The following KIRREL1 variants were observed in gnomAD, a reference collection of about 807,000 sequenced individuals.
KIRREL1 encodes the protein kin of IRRE-like protein 1.
Under a neutral mutation model 83.3 loss-of-function variants are expected in KIRREL1, and 25 were observed. The observed-to-expected ratio is 0.30, with a 90% confidence interval of 0.22 to 0.42. The LOEUF (loss-of-function observed/expected upper bound fraction) is 0.42. KIRREL1 is among the 10% of genes least tolerant of loss of function. The pLI is 1.00. For missense variants in KIRREL1, 812 were observed against 1,032.3 expected, an observed-to-expected ratio of 0.79 and a Z score of 2.92; for synonymous variants, 388 against 410.4, an observed-to-expected ratio of 0.95 and a Z score of 0.66.
At chr1:158,032,713 C>T (rs1346583528) in intron 1 of KIRREL1, among the ~76,000 whole-genome samples, 1 of 152,116 alleles carries the variant, frequency 6.6e-6, no homozygotes, top group Non-Finnish European at 1.5e-5. Flanking sequence ...ACTGCTTGTC[C>T]CCAGCCTCCT....
Position 158,089,512 on chromosome 1 carries a change from A to G in KIRREL1, c.1055A>G (p.Asn352Ser). The change falls in exon 9 of 15, where the codon AAC (asparagine) becomes AGC (serine). Residue 352 changes from asparagine (N) to serine (S), a missense_variant. Around this residue, in one of 3 missense-constraint regions of KIRREL1, gnomAD observed 472 missense variants for 626.8 expected, o/e 0.75. Coordinates refer to ENST00000359209, the MANE Select transcript of KIRREL1 (RefSeq NM_018240.7). ...TKKDSNMVLS[N>S]SNQLLLKSVT... ...GCTCTCTCTGCCCAGGTCCTGAGTAACAGCAACCAGCTGCTGCTGAAGTCG... is the reference window on the plus strand; with the variant it reads ...GCTCTCTCTGCCCAGGTCCTGAGTAGCAGCAACCAGCTGCTGCTGAAGTCG... 4 of 1,614,096 alleles carry G rather than the reference A, an allele frequency of 2.5e-6. No individual in the cohort carries two copies. The highest frequency in any genetic ancestry group is 3.4e-6 in the Non-Finnish European group (4 of 1,180,016).
At position 158,094,911 on chromosome 1, in the gene KIRREL1, A is replaced by G; in HGVS notation, c.2065A>G (p.Lys689Glu). The G allele has an allele frequency of 6.2e-7, 1 of 1,613,996 alleles. No homozygotes were observed. Among genetic ancestry groups the G allele is most frequent in the East Asian group, 2.2e-5 (1 of 44,832 alleles). Residue 689 changes from lysine (K) to glutamate (E), a missense_variant, in exon 15 of 15, where the codon AAG becomes GAG. This residue lies in a region of KIRREL1 where 334 missense variants were observed against 383.7 expected (regional missense o/e 0.87). Transcript: ENST00000359209. The surrounding 1 kb of genome is among the most constrained non-coding windows in gnomAD (Gnocchi z 4.6). ...CCAGCTGTCCTACGAGAACTATGAG[A>G]AGTTCAACTCCCATCCCTTCCCTGG... Reference protein sequence around the residue: ...TSQLSYENYEKFNSHPFPGAA... With the variant: ...TSQLSYENYEEFNSHPFPGAA...
rs553385509 is a variant in KIRREL1, at chr1:158,003,550, C to T, written c.52+9822C>T. 7.2e-5 allele frequency among the ~76,000 whole-genome samples: 11 copies of T among 152,300 alleles called. No individual in the cohort carries two copies. The South Asian group carries it at 1.4e-3, about 20-fold the overall frequency. ...ATGGGGGACTCCCAGAGGTCCCACA[C>T]TCCCCTTGATGCCTGACCCTCCCAC... On this transcript the variant is annotated intron_variant, in intron 1 of 14. Coordinates refer to ENST00000359209, the MANE Select transcript of KIRREL1 (RefSeq NM_018240.7).
chr1:158,003,572 C>T (rs1224292561), intron 1 of KIRREL1, among the ~76,000 whole-genome samples: 1 of 151,824 alleles, frequency 6.6e-6, no homozygotes, highest in Non-Finnish European at 1.5e-5. Context: ...CCTGACCCTC[C>T]CACACACACA....
In KIRREL1 at chr1:158,096,424, GTGTCAAGCTTTGGATGACCGACCCTA is replaced by G. The variant is rs1484589454; in HGVS notation, c.*1308_*1333del. The G allele has an allele frequency of 8.3e-6, 3 of 359,866 alleles. No individual in the cohort carries two copies. The highest frequency in any genetic ancestry group is 6.4e-5 in the African/African-American group (3 of 46,766). 22.3% of individuals were successfully genotyped at this position (359,866 alleles called of 1,614,324 possible). A position where few individuals can be genotyped will look rare whatever the true frequency, so the allele number is the denominator to read the frequency against. On this transcript the variant is annotated 3_prime_UTR_variant, in exon 15 of 15. Coordinates refer to ENST00000359209, the MANE Select transcript of KIRREL1 (RefSeq NM_018240.7). ...CCTTCTTCCACTTTCAGTGCCTTGA[GTGTCAAGCTTTGGATGACCGACCCTA>G]TGTGGGCGGTTGTGTGGGGAGTGGG...
chr1:158,073,423 A>C (rs1395856201), intron 1 of KIRREL1, among the ~76,000 whole-genome samples: 1 of 152,214 alleles, frequency 6.6e-6, no homozygotes, highest in Non-Finnish European at 1.5e-5. Flanking sequence ...GCTGCCATTT[A>C]GTGCATACAG....
In KIRREL1 at chr1:158,028,156, T is replaced by A. The variant is rs4971179; in HGVS notation, c.52+34428T>A. ...ACTGTCTCTGCCGGAATGCCGTCTC[T>A]CTCCACAACTAACCTTGACCTTCAT... On this transcript the variant is annotated intron_variant, in intron 1 of 14. Transcript: ENST00000359209. Among the ~76,000 whole-genome samples, 10 of 152,054 alleles carry A rather than the reference T, an allele frequency of 6.6e-5. 1 individual carries two copies. Among genetic ancestry groups the A allele is most frequent in the African/African-American group, 2.4e-4 (10 of 41,392 alleles).
chr1:158,088,014 A>T lies in KIRREL1; in HGVS notation c.776A>T (p.Lys259Ile), dbSNP rs1570996226. The T allele has an allele frequency of 6.2e-7, 1 of 1,614,032 alleles. No homozygotes were observed. The highest frequency in any genetic ancestry group is 1.3e-5 in the African/African-American group (1 of 74,906). Reference protein sequence around the residue: ...NPEILGYRWAKGGFLIEDAHE... With the variant: ...NPEILGYRWAIGGFLIEDAHE... ...GTTGCCTCCTCCCCTAGGTGGGCCA[A>T]AGGGGGTTTCTTGATTGAAGACGCC... is the stretch of plus-strand genomic sequence containing the variant. Residue 259 changes from lysine to isoleucine, a missense_variant, in exon 7 of 15, where the codon AAA (lysine) becomes ATA (isoleucine). By Grantham distance (102) the Lys-to-Ile change is moderately radical (BLOSUM62 -3). This residue lies in a region of KIRREL1 where 472 missense variants were observed against 626.8 expected (regional missense o/e 0.75). Coordinates refer to ENST00000359209, the MANE Select transcript of KIRREL1 (RefSeq NM_018240.7).
intron 1 of KIRREL1, among the ~76,000 whole-genome samples, 191 bp from the exon 2 acceptor site, chr1:158,075,918 CAGAG>C (rs1558012197): frequency 6.6e-6 from 1 of 152,126 alleles, no homozygotes; most frequent in Non-Finnish European, 1.5e-5. Context: ...CCATGGGTCT[CAGAG>C]GGAGGAAGGA....
chr1:158,008,813 A>G (rs1042183657), intron 1 of KIRREL1, among the ~76,000 whole-genome samples: 44 of 152,308 alleles, frequency 2.9e-4, no homozygotes, highest in Admixed American at 2.7e-3. Flanking sequence ...TCGAGTCACA[A>G]CAAATTAAAT....
chr1:157,994,835 A>G (rs1659149844), intron 1 of KIRREL1, among the ~76,000 whole-genome samples: 1 of 152,134 alleles, frequency 6.6e-6, no homozygotes, highest in Non-Finnish European at 1.5e-5. Context: ...ACATATACAC[A>G]AAGACACGGA....
At chr1:158,054,167 C>T (rs965650009) in intron 1 of KIRREL1, among the ~76,000 whole-genome samples, 2 of 124,068 alleles carry the variant, frequency 1.6e-5, no homozygotes, top group Non-Finnish European at 3.2e-5. Context: ...GAGCTGAGAT[C>T]GTGTCACTGC....
intron 1 of KIRREL1, among the ~76,000 whole-genome samples, chr1:158,008,670 A>T (rs1289045063): frequency 6.6e-6 from 1 of 152,120 alleles, no homozygotes; most frequent in East Asian, 1.9e-4. Flanking sequence ...CAGTAGTAGG[A>T]TCAGATGAAG....
chr1:158,056,134 C>G (rs1026434746), intron 1 of KIRREL1, among the ~76,000 whole-genome samples: 4 of 152,338 alleles, frequency 2.6e-5, no homozygotes, highest in Middle Eastern at 3.4e-3. Context: ...TCATCCTGCC[C>G]TCTCCTTTCC....
intron 1 of KIRREL1, among the ~76,000 whole-genome samples, chr1:158,068,742 A>G (rs1661424099): frequency 6.6e-6 from 1 of 151,926 alleles, no homozygotes; most frequent in Non-Finnish European, 1.5e-5. Flanking sequence ...GAGAGAACCC[A>G]ATGTGAGGGG....
Position 158,081,033 on chromosome 1 carries a change from C to A in KIRREL1, c.352+2893C>A, listed in dbSNP as rs1661836898. ...CCCAGCCATCCCCCTCAGCAGCCCC[C>A]CAGCTCCCCAGGCCAGGGGCCCTCT... On this transcript the variant is annotated intron_variant, in intron 3 of 14. Transcript: ENST00000359209. Among the ~76,000 whole-genome samples the A allele has an allele frequency of 1.6e-5, 2 of 122,118 alleles. 1 individual carries two copies. The highest frequency in any genetic ancestry group is 3.8e-5 in the Non-Finnish European group (2 of 52,838). The allele number at this position is 122,118 out of a possible 152,430, so 80.1% of individuals were successfully genotyped here.
At chr1:158,082,371 AG>A (rs904756854) in intron 3 of KIRREL1, among the ~76,000 whole-genome samples, 6 of 152,058 alleles carry the variant, frequency 3.9e-5, no homozygotes, top group Non-Finnish European at 8.8e-5. Context: ...ATCACACAGC[AG>A]GTAAACAAAG....
chr1:158,059,899 G>C (rs1661164163), intron 1 of KIRREL1, among the ~76,000 whole-genome samples: 1 of 152,194 alleles, frequency 6.6e-6, no homozygotes, highest in African/African-American at 2.4e-5. Flanking sequence ...ATTAGGTATG[G>C]ATTGGAATTA....
chr1:158,048,116 C>T (rs1164355358), intron 1 of KIRREL1, among the ~76,000 whole-genome samples: 1 of 152,218 alleles, frequency 6.6e-6, no homozygotes, highest in African/African-American at 2.4e-5. Flanking sequence ...TTCATACTTT[C>T]TAGGCCAGCA....
Sources: gnomAD v4.1 joint callset for allele counts (sites outside exome capture counted in the v4.1 genomes callset) on GRCh38, gnomAD v4.1.1 for gene constraint, gnomAD v4.1.1 regional missense constraint, Gnocchi (gnomAD v3.1) non-coding constraint, MANE v1.5 for transcripts, NCBI Gene and HGNC (gene_info 2026-07-23, HGNC 2026-07-21) for gene names.